CNTN6: variants seen among roughly 807,000 people sequenced by gnomAD.
The protein encoded by CNTN6 is contactin 6.
In CNTN6, 137 loss-of-function variants were observed where a neutral mutation model predicts 122.8. That is an observed-to-expected ratio of 1.12 (90% CI 0.97 to 1.29). The LOEUF is 1.29. Ranked by LOEUF, CNTN6 falls within the 50% of genes most tolerant of loss-of-function variation. The probability of loss-of-function intolerance (pLI) is 0.00; values close to 1 mark genes in which losing one functional copy is unlikely to be tolerated. For missense variants in CNTN6, 1,634 were observed against 1,223.4 expected (o/e 1.34, Z -5.01); for synonymous variants, 570 against 426.0 (o/e 1.34, Z -4.16).
chr3:1,278,878 G>C (rs1456353067), intron 5 of CNTN6, among the ~76,000 whole-genome samples: 1 of 152,146 alleles, frequency 6.6e-6, no homozygotes, highest in African/African-American at 2.4e-5. Context: ...ATAAAATAGA[G>C]ACATTAACTG....
chr3:1,234,107 C>T (rs1018650007), intron 4 of CNTN6, among the ~76,000 whole-genome samples: 1 of 152,144 alleles, frequency 6.6e-6, no homozygotes, highest in Non-Finnish European at 1.5e-5. Context: ...CAGGTGAAGA[C>T]ATTAAAAGGC....
At chr3:1,098,521 AT>A (rs1009508520) in intron 1 of CNTN6, among the ~76,000 whole-genome samples, 1 of 151,274 alleles carries the variant, frequency 6.6e-6, no homozygotes, top group African/African-American at 2.4e-5. Flanking sequence ...CCTTTCCATG[AT>A]TTCCTGTCTT....
intron 11 of CNTN6, among the ~76,000 whole-genome samples, chr3:1,344,301 A>C (rs541516285): frequency 6.6e-6 from 1 of 152,260 alleles, no homozygotes; most frequent in East Asian, 1.9e-4. Flanking sequence ...TAGTCACATC[A>C]TTGGTAGCTT....
intron 7 of CNTN6, among the ~76,000 whole-genome samples, chr3:1,305,674 A>T (rs1312164688): frequency 1.3e-5 from 2 of 151,892 alleles, no homozygotes; most frequent in Non-Finnish European, 2.9e-5. Context: ...TCCTTTTTTT[A>T]AAAAAATCTT....
chr3:1,220,642 C>T, intron 2 of CNTN6, 45 bp from the exon 3 acceptor site: 1 of 1,549,974 alleles, frequency 6.5e-7, no homozygotes, highest in Non-Finnish European at 8.7e-7. Flanking sequence ...GCATTCAAAA[C>T]AGGGCCACTT....
intron 4 of CNTN6, among the ~76,000 whole-genome samples, chr3:1,248,574 C>T (rs1003332287): frequency 2.6e-5 from 4 of 152,104 alleles, no homozygotes; most frequent in Admixed American, 6.5e-5. Flanking sequence ...AATCTCAGCA[C>T]TTTAGGAGGC....
At chr3:1,351,167 C>T (rs1247459829) in intron 11 of CNTN6, among the ~76,000 whole-genome samples, 1 of 151,868 alleles carries the variant, frequency 6.6e-6, no homozygotes, top group East Asian at 1.9e-4. Flanking sequence ...CAGAAGCTGG[C>T]TTCCTGCAAA....
rs957242276 is a variant in CNTN6 at position 1,374,195 on chromosome 3, G to C, written c.2095+122G>C. 3.2e-6 allele frequency: 3 copies of C among 928,946 alleles called. No individual in the cohort carries two copies. The African/African-American group carries it at 5.2e-5, about 16-fold the overall frequency. The allele number at this position is 928,946 out of a possible 1,614,324, so 57.5% of individuals were successfully genotyped here. On this transcript the variant is annotated intron_variant, in intron 16 of 22. Coordinates refer to ENST00000446702, the MANE Select transcript of CNTN6 (RefSeq NM_001289080.2). ...CTCAAAATTGTTTGGCAGTAAACGAGTGGCTCTCATTTTCTTTTATTTTTA... is the reference window on the plus strand; with the variant it reads ...CTCAAAATTGTTTGGCAGTAAACGACTGGCTCTCATTTTCTTTTATTTTTA...
At chr3:1,264,875 T>TC (rs1281670197) in intron 4 of CNTN6, among the ~76,000 whole-genome samples, 1 of 151,962 alleles carries the variant, frequency 6.6e-6, no homozygotes, top group Non-Finnish European at 1.5e-5. Context: ...TGCACCCCTC[T>TC]CCCCCAGCCT....
intron 1 of CNTN6, among the ~76,000 whole-genome samples, chr3:1,102,457 G>A (rs1320134156): frequency 2.0e-5 from 3 of 152,338 alleles, no homozygotes; most frequent in East Asian, 1.9e-4. Context: ...CCTGCCGGGC[G>A]CGGTGGCTCC....
chr3:1,388,281 G>A (rs1346257841), intron 20 of CNTN6, among the ~76,000 whole-genome samples: 7 of 148,398 alleles, frequency 4.7e-5, no homozygotes, highest in African/African-American at 7.4e-5. Flanking sequence ...CTAACTGGGA[G>A]GCACCCCCCA....
chr3:1,136,703 T>G (rs2092484050), intron 1 of CNTN6, among the ~76,000 whole-genome samples: 1 of 152,244 alleles, frequency 6.6e-6, no homozygotes, highest in Non-Finnish European at 1.5e-5. Flanking sequence ...ATGTTCAGAT[T>G]TGAGCAAAAT....
intron 20 of CNTN6, among the ~76,000 whole-genome samples, chr3:1,388,458 G>A (rs1693527225): frequency 6.6e-6 from 1 of 151,622 alleles, no homozygotes; most frequent in Admixed American, 6.6e-5. Context: ...CCACAAAGAT[G>A]GGGAAAAAAC....
At chr3:1,217,753 C>T (rs1189180450) in intron 2 of CNTN6, among the ~76,000 whole-genome samples, 1 of 152,186 alleles carries the variant, frequency 6.6e-6, no homozygotes, top group Non-Finnish European at 1.5e-5. Flanking sequence ...GGGCTGATAA[C>T]AAGTGCTGTC....
At chr3:1,290,991 G>A (rs907593945) in intron 5 of CNTN6, among the ~76,000 whole-genome samples, 5 of 152,122 alleles carry the variant, frequency 3.3e-5, no homozygotes, top group Admixed American at 3.3e-4. Context: ...ATACAGCCCA[G>A]TAGGTTTCAG....
At chr3:1,400,015 A>C (rs1184923690) in intron 20 of CNTN6, among the ~76,000 whole-genome samples, 1 of 152,118 alleles carries the variant, frequency 6.6e-6, no homozygotes, top group Non-Finnish European at 1.5e-5. Flanking sequence ...ATGTATGGTA[A>C]TATATTTGAG....
At chr3:1,323,117 C>T (rs994403134) in intron 8 of CNTN6, among the ~76,000 whole-genome samples, 8 of 151,666 alleles carry the variant, frequency 5.3e-5, no homozygotes, top group South Asian at 4.1e-4. Flanking sequence ...TTTCTGTATA[C>T]TGATAAAGCA....
chr3:1,241,051 G>T (rs1437820811), intron 4 of CNTN6, among the ~76,000 whole-genome samples: 1 of 152,042 alleles, frequency 6.6e-6, no homozygotes, highest in African/African-American at 2.4e-5. Flanking sequence ...CCTTCTTAAG[G>T]GTGGGGGAGA....
intron 1 of CNTN6, among the ~76,000 whole-genome samples, chr3:1,121,147 T>C (rs961037761): frequency 4.6e-5 from 7 of 152,076 alleles, no homozygotes; most frequent in African/African-American, 1.7e-4. Context: ...CTTTATTTTC[T>C]ATGTAACTCC....
Sources: allele counts gnomAD v4.1 joint callset (sites outside exome capture counted in the v4.1 genomes callset), GRCh38; gene constraint gnomAD v4.1.1; transcripts MANE v1.5; gene names NCBI Gene and HGNC (gene_info 2026-07-23, HGNC 2026-07-21).